The following SPIDR variants were observed in gnomAD, a reference collection of about 807,000 sequenced individuals.
The protein encoded by SPIDR is DNA repair-scaffolding protein.
SPIDR carries 93 observed loss-of-function variants against 104.6 expected under a neutral mutation model. The observed-to-expected ratio is 0.89, with a 90% CI of 0.75 to 1.06. The LOEUF is 1.06. Among genes scored for constraint, SPIDR ranks in the 50% least tolerant of loss-of-function variants. The probability of loss-of-function intolerance (pLI) is 0.00; values close to 1 mark genes in which losing one functional copy is unlikely to be tolerated. For synonymous variants in SPIDR, 431 were observed against 416.9 expected, an observed-to-expected ratio of 1.03 and a Z score of -0.41; for missense variants, 1,154 against 1,111.2, an observed-to-expected ratio of 1.04 and a Z score of -0.55.
At chr8:47,634,508 A>G (rs973818166) in intron 10 of SPIDR, among the ~76,000 whole-genome samples, 1 of 152,258 alleles carries the variant, frequency 6.6e-6, no homozygotes, top group Non-Finnish European at 1.5e-5. Context: ...AAAAGTGAGA[A>G]AGGAAACTTA....
At position 47,712,589 on chromosome 8, in the gene SPIDR, A is replaced by T. The variant is rs1170040007; in HGVS notation, c.1978-73A>T. On this transcript the variant is annotated intron_variant, in intron 14 of 19. Coordinates refer to ENST00000297423, the MANE Select transcript of SPIDR (RefSeq NM_001080394.4). ...ATCTTAAATTGTTAGTATATGTATA[A>T]CTTCTGCTTTTAAATGCTTTTAAAA... 1.9e-5 allele frequency: 28 copies of T among 1,454,424 alleles called. 1 individual carries two copies. In the East Asian group the frequency reaches 6.2e-4, roughly 32 times the overall value. The allele number at this position is 1,454,424 out of a possible 1,614,324, so 90.1% of individuals were successfully genotyped here.
chr8:47,294,176 C>T, intron 5 of SPIDR, 146 bp downstream of exon 5: 1 of 992,540 alleles, frequency 1.0e-6, no homozygotes, highest in Non-Finnish European at 1.4e-6. Flanking sequence ...TCTTTACTCA[C>T]TTATCTCTAA....
At chr8:47,571,129 A>G (rs11777576) in intron 8 of SPIDR, among the ~76,000 whole-genome samples, 286 of 152,184 alleles carry the variant, frequency 1.9e-3, no homozygotes, top group Non-Finnish European at 3.0e-3. Context: ...ACAGAGTAGA[A>G]GGGTGTACCA....
chr8:47,498,843 T>C (rs60256648), intron 8 of SPIDR, among the ~76,000 whole-genome samples: 2,764 of 152,338 alleles, frequency 0.018, 85 homozygotes, highest in African/African-American at 0.064. Context: ...GTAATTGCCG[T>C]GCCCTTACTT....
At chr8:47,609,731 C>T (rs986510125) in intron 10 of SPIDR, among the ~76,000 whole-genome samples, 10 of 152,116 alleles carry the variant, frequency 6.6e-5, no homozygotes, top group Admixed American at 6.5e-5. Flanking sequence ...AATATGTACA[C>T]GCTCTTTAAA....
At chr8:47,557,435 A>G (rs2091456179) in intron 8 of SPIDR, among the ~76,000 whole-genome samples, 1 of 152,182 alleles carries the variant, frequency 6.6e-6, no homozygotes, top group South Asian at 2.1e-4. Flanking sequence ...GGAGATTATG[A>G]GCGTCATATG....
chr8:47,680,672 T>C (rs1337365599), intron 11 of SPIDR, among the ~76,000 whole-genome samples: 1 of 152,236 alleles, frequency 6.6e-6, no homozygotes, highest in Non-Finnish European at 1.5e-5. Context: ...GGGTTTGAGG[T>C]CCAGAATCTC....
intron 5 of SPIDR, among the ~76,000 whole-genome samples, chr8:47,340,183 T>A (rs1434835502): frequency 1.3e-5 from 2 of 152,162 alleles, no homozygotes; most frequent in African/African-American, 4.8e-5. Flanking sequence ...AAAGAGGTTA[T>A]GGGCTTTATC....
chr8:47,713,998 AT>A (rs1279415228), intron 16 of SPIDR, among the ~76,000 whole-genome samples: 1 of 152,176 alleles, frequency 6.6e-6, no homozygotes, highest in Non-Finnish European at 1.5e-5. Context: ...CAGGAGGAAC[AT>A]TCCTGGGAAG....
chr8:47,340,335 T>C (rs937786338), intron 5 of SPIDR, among the ~76,000 whole-genome samples: 1 of 152,170 alleles, frequency 6.6e-6, no homozygotes, highest in African/African-American at 2.4e-5. Context: ...CCAGGTGCAG[T>C]GGCTCATGCT....
intron 5 of SPIDR, among the ~76,000 whole-genome samples, chr8:47,329,419 G>C (rs1174180587): frequency 2.0e-5 from 3 of 152,102 alleles, no homozygotes; most frequent in Non-Finnish European, 4.4e-5. Context: ...TGTTGGCCAG[G>C]CTGGTCTCTA....
chr8:47,662,326 C>T (rs988311661), intron 10 of SPIDR, among the ~76,000 whole-genome samples: 2 of 152,158 alleles, frequency 1.3e-5, no homozygotes, highest in African/African-American at 4.8e-5. Context: ...CTAGTGCTAC[C>T]GGGGTTGCAA....
rs139406358 is a variant in SPIDR at position 47,487,657 on chromosome 8, C to G, written c.1097+47115C>G. ...GAACAGAAATTATAACAAACTGTCT[C>G]TCAGACCACAGTGCACTCAAACTAG... On this transcript the variant is annotated intron_variant, in intron 8 of 19. Transcript: ENST00000297423. Among the ~76,000 whole-genome samples the G allele has an allele frequency of 5.8e-3, 876 of 152,324 alleles. 4 individuals are homozygous for G. The highest frequency in any genetic ancestry group is 0.01 in the African/African-American group (418 of 41,568).
At chr8:47,286,601 G>A (rs1429524182) in intron 3 of SPIDR, among the ~76,000 whole-genome samples, 1 of 151,914 alleles carries the variant, frequency 6.6e-6, no homozygotes, top group East Asian at 1.9e-4. Context: ...AAAATTACAT[G>A]TACATACACA....
chr8:47,464,643 C>G (rs1011091057), intron 8 of SPIDR, among the ~76,000 whole-genome samples: 1 of 151,966 alleles, frequency 6.6e-6, no homozygotes, highest in Admixed American at 6.5e-5. Flanking sequence ...GCAAAGAACC[C>G]TTTTGTCTTG....
At chr8:47,264,392 T>C (rs976378034) in intron 1 of SPIDR, among the ~76,000 whole-genome samples, 1 of 152,118 alleles carries the variant, frequency 6.6e-6, no homozygotes, top group African/African-American at 2.4e-5. Context: ...ATCACATATA[T>C]AGATATGTGG....
At chr8:47,476,657 G>T (rs890535846) in intron 8 of SPIDR, among the ~76,000 whole-genome samples, 6 of 151,512 alleles carry the variant, frequency 4.0e-5, no homozygotes, top group Admixed American at 3.9e-4. Flanking sequence ...CGAACTAAGG[G>T]TGTGTCTAAG....
At chr8:47,615,793 T>A (rs1028438556) in intron 10 of SPIDR, among the ~76,000 whole-genome samples, 3 of 152,198 alleles carry the variant, frequency 2.0e-5, no homozygotes, top group African/African-American at 7.2e-5. Flanking sequence ...AGTAGCTTAA[T>A]AATATTCAGT....
At chr8:47,427,332 A>C (rs1554685744) in intron 7 of SPIDR, among the ~76,000 whole-genome samples, 2 of 151,020 alleles carry the variant, frequency 1.3e-5, no homozygotes, top group East Asian at 3.9e-4. Flanking sequence ...TATGCCTTTT[A>C]CAAAAAAAGA....
Sources: allele counts gnomAD v4.1 joint callset (sites outside exome capture counted in the v4.1 genomes callset), GRCh38; gene constraint gnomAD v4.1.1; transcripts MANE v1.5; gene names NCBI Gene and HGNC (gene_info 2026-07-23, HGNC 2026-07-21).